PRKAG2: variants seen among roughly 807,000 people sequenced by gnomAD.
The protein encoded by PRKAG2 is protein kinase AMP-activated non-catalytic subunit gamma 2, also known as 5'-AMP-activated protein kinase subunit gamma-2.
Under a neutral mutation model 69.6 loss-of-function variants are expected in PRKAG2, and 26 were observed. That is an observed-to-expected ratio of 0.37 (90% confidence interval 0.27 to 0.52). The LOEUF is 0.52. Ranked by LOEUF, PRKAG2 falls within the 20% of genes least tolerant of loss-of-function variation. The pLI is 0.90. For synonymous variants in PRKAG2, 293 were observed against 285.0 expected (o/e 1.03, Z -0.28); for missense variants, 557 against 740.0 (o/e 0.75, Z 2.87).
At chr7:151,594,139 T>C (rs1245692159) in intron 6 of PRKAG2, among the ~76,000 whole-genome samples, 1 of 152,186 alleles carries the variant, frequency 6.6e-6, no homozygotes, top group Admixed American at 6.5e-5. Context: ...CCAGGGCACC[T>C]TTCAGCTGGT....
At position 151,693,047 on chromosome 7, in the gene PRKAG2, T is replaced by G. The variant is rs1585811955; in HGVS notation, c.467-17410A>C. Among the ~76,000 whole-genome samples the G allele has an allele frequency of 2.0e-5, 3 of 152,156 alleles. No individual in the cohort carries two copies. In the East Asian group the frequency reaches 5.8e-4, roughly 29 times the overall value. On this transcript the variant is annotated intron_variant, in intron 3 of 15. Transcript: ENST00000287878. ...GCAGGAGAGAGCTGAAAGGTTAGGC[T>G]GGGAGCAGAAAGGGAGATCCCACTC...
chr7:151,708,727 G>T (rs1839036786), intron 3 of PRKAG2, among the ~76,000 whole-genome samples: 1 of 152,230 alleles, frequency 6.6e-6, no homozygotes, highest in African/African-American at 2.4e-5. Flanking sequence ...AATTCACAGG[G>T]AACTTGAGCA....
At chr7:151,673,294 C>A (rs1374542036) in intron 4 of PRKAG2, among the ~76,000 whole-genome samples, 1 of 152,164 alleles carries the variant, frequency 6.6e-6, no homozygotes, top group African/African-American at 2.4e-5. Context: ...CTAGTCAAAG[C>A]CTAATTTTCT....
chr7:151,751,013 A>G (rs1243301906), intron 3 of PRKAG2, among the ~76,000 whole-genome samples: 2 of 152,130 alleles, frequency 1.3e-5, no homozygotes, highest in African/African-American at 4.8e-5. Flanking sequence ...ATGACTAAGT[A>G]TGCTCATGCT....
chr7:151,593,816 G>C (rs1250282158), intron 6 of PRKAG2, among the ~76,000 whole-genome samples: 1 of 152,194 alleles, frequency 6.6e-6, no homozygotes, highest in African/African-American at 2.4e-5. Context: ...AGTGAACTCA[G>C]CAAAGAACAT....
At chr7:151,858,883 G>A (rs561783910) in intron 1 of PRKAG2, among the ~76,000 whole-genome samples, 3 of 152,286 alleles carry the variant, frequency 2.0e-5, no homozygotes, top group South Asian at 2.1e-4. Flanking sequence ...CTGCCCCCAG[G>A]AGTCTTGATG....
intron 1 of PRKAG2, among the ~76,000 whole-genome samples, chr7:151,841,173 A>G (rs994498772): frequency 4.6e-5 from 7 of 152,116 alleles, no homozygotes; most frequent in African/African-American, 1.7e-4. Flanking sequence ...TTTTTTGTAG[A>G]GACAGGGTTT....
At position 151,737,842 on chromosome 7, in the gene PRKAG2, T is replaced by C. The variant is rs544979213; in HGVS notation, c.466+43310A>G. Among the ~76,000 whole-genome samples, 25 of 152,208 alleles carry C rather than the reference T, an allele frequency of 1.6e-4. 1 individual carries two copies. Among genetic ancestry groups the C allele is most frequent in the Non-Finnish European group, 3.1e-4 (21 of 67,960 alleles). ...AGGGAAGTCTTCCATTCTATCCCCA[T>C]GAGATGAAACCCTGGAAGCTCAGCT... On this transcript the variant is annotated intron_variant, in intron 3 of 15. Transcript: ENST00000287878.
intron 3 of PRKAG2, among the ~76,000 whole-genome samples, chr7:151,702,289 C>T (rs925236943): frequency 5.9e-5 from 9 of 152,210 alleles, no homozygotes; most frequent in Admixed American, 2.6e-4. Flanking sequence ...TCCCTAGTGC[C>T]GGTCCCCCAA....
chr7:151,606,943 T>A (rs990784826), intron 5 of PRKAG2, among the ~76,000 whole-genome samples: 14 of 152,246 alleles, frequency 9.2e-5, no homozygotes, highest in Admixed American at 8.5e-4. Context: ...GCTTTTGATA[T>A]TTTCAGTGTT....
intron 2 of PRKAG2, among the ~76,000 whole-genome samples, chr7:151,784,826 C>T (rs2076919278): frequency 6.6e-6 from 1 of 152,214 alleles, no homozygotes; most frequent in African/African-American, 2.4e-5. Context: ...GGAAGCAGCC[C>T]TGCCAGTCCT....
At chr7:151,866,019 C>CAAAAAA (rs61697386) in intron 1 of PRKAG2, among the ~76,000 whole-genome samples, 1 of 95,736 alleles carries the variant, frequency 1.0e-5, no homozygotes, top group African/African-American at 4.3e-5. Context: ...GACTCTGTCT[C>CAAAAAA]AAAAAAAAAA....
At chr7:151,755,028 C>T (rs1164874488) in intron 3 of PRKAG2, among the ~76,000 whole-genome samples, 11 of 152,078 alleles carry the variant, frequency 7.2e-5, no homozygotes, top group Admixed American at 6.5e-4. Context: ...GACAAAGGGG[C>T]GATGGAGACC....
chr7:151,693,149 A>G (rs923434342), intron 3 of PRKAG2, among the ~76,000 whole-genome samples: 7 of 152,224 alleles, frequency 4.6e-5, no homozygotes, highest in African/African-American at 1.4e-4. Context: ...ATATCTCTGC[A>G]TATCCCTGAA....
At chr7:151,631,590 A>G in intron 5 of PRKAG2, 1 of 439,236 alleles carries the variant, frequency 2.3e-6, no homozygotes, top group Non-Finnish European at 4.6e-6. Context: ...TAACCTCTTC[A>G]GGTTTTCCTA....
chr7:151,570,622 T>C (rs1807319406), intron 9 of PRKAG2, among the ~76,000 whole-genome samples: 1 of 152,204 alleles, frequency 6.6e-6, no homozygotes, highest in African/African-American at 2.4e-5. Context: ...TAAGATAAAA[T>C]CAGTTATGAC....
In PRKAG2 at chr7:151,572,010, C is replaced by T. The variant is rs527345942; in HGVS notation, c.1051+654G>A. 6.6e-4 allele frequency among the ~76,000 whole-genome samples: 101 copies of T among 152,312 alleles called. 1 individual carries two copies. The Middle Eastern group carries it at 0.02, about 31-fold the overall frequency. The stretch of plus-strand genomic sequence containing the variant: ...CTGGGTCTGCCGTGATTCCCACCCC[C>T]GGTCCTCTCCACCAACCCACCATGA... On this transcript the variant is annotated intron_variant, in intron 9 of 15. Transcript: ENST00000287878.
intron 5 of PRKAG2, among the ~76,000 whole-genome samples, chr7:151,602,828 A>G (rs2151173707): frequency 6.6e-6 from 1 of 152,208 alleles, no homozygotes; most frequent in African/African-American, 2.4e-5. Context: ...TTTTCAGGAG[A>G]TCTGAGAGTT....
chr7:151,805,822 T>C (rs1161764824), intron 1 of PRKAG2, among the ~76,000 whole-genome samples: 3 of 152,206 alleles, frequency 2.0e-5, no homozygotes, highest in African/African-American at 7.2e-5. Flanking sequence ...TACCTTCAGG[T>C]TTGCCAAGAT....
Sources: allele counts gnomAD v4.1 joint callset (sites outside exome capture counted in the v4.1 genomes callset), GRCh38; gene constraint gnomAD v4.1.1; transcripts MANE v1.5; gene names NCBI Gene and HGNC (gene_info 2026-07-23, HGNC 2026-07-21).